The following TRPM3 variants were observed in gnomAD, a reference collection of about 807,000 sequenced individuals.
The protein encoded by TRPM3 is transient receptor potential cation channel subfamily M member 3, also known as long transient receptor potential channel 3.
In TRPM3, 77 loss-of-function variants were observed where a neutral mutation model predicts 181.2. That is an observed-to-expected ratio of 0.42 (90% CI 0.35 to 0.51). The LOEUF (loss-of-function observed/expected upper bound fraction) is 0.51, where lower values mean the gene tolerates loss of function less well. Among genes scored for constraint, TRPM3 ranks in the 20% least tolerant of loss-of-function variants. The pLI is 0.01. For synonymous variants in TRPM3, 745 were observed against 796.4 expected (o/e 0.94, Z 1.09); for missense variants, 1,759 against 2,196.7 (o/e 0.80, Z 3.98).
intron 3 of TRPM3, among the ~76,000 whole-genome samples, chr9:70,854,471 A>C (rs1173473797): frequency 1.3e-5 from 2 of 152,222 alleles, no homozygotes; most frequent in South Asian, 2.1e-4. Flanking sequence ...AATGAAGGTC[A>C]CATTCACCTT....
At chr9:70,944,868 G>A (rs2096917650) in intron 1 of TRPM3, among the ~76,000 whole-genome samples, 1 of 150,792 alleles carries the variant, frequency 6.6e-6, no homozygotes, top group African/African-American at 2.4e-5. Flanking sequence ...ATTGCATAGA[G>A]ACAGACTACT....
chr9:71,032,063 T>TA (rs372235814), intron 1 of TRPM3, among the ~76,000 whole-genome samples: 1 of 7,890 alleles, frequency 1.3e-4, no homozygotes, highest in African/African-American at 7.8e-4. Context: ...ATATATTATA[T>TA]ATATTATATT....
chr9:71,156,796 T>G (rs200011285), intron 1 of TRPM3, among the ~76,000 whole-genome samples: 1 of 152,012 alleles, frequency 6.6e-6, no homozygotes, highest in East Asian at 1.9e-4. Context: ...ATTTGCAAAG[T>G]CTAATGGAAG....
At chr9:70,846,342 G>T in intron 4 of TRPM3, 36 bp downstream of exon 4, 1 of 1,569,730 alleles carries the variant, frequency 6.4e-7, no homozygotes, top group Non-Finnish European at 8.8e-7. Flanking sequence ...CATTCCCATG[G>T]CCTATGTTGA....
chr9:70,664,344 T>G (rs1589974898), intron 9 of TRPM3, among the ~76,000 whole-genome samples: 1 of 152,348 alleles, frequency 6.6e-6, no homozygotes, highest in South Asian at 2.1e-4. Flanking sequence ...GAAATTGTTC[T>G]CTGGCAGAAA....
intron 1 of TRPM3, among the ~76,000 whole-genome samples, chr9:71,264,778 C>T (rs1022855580): frequency 1.8e-4 from 27 of 152,228 alleles, no homozygotes; most frequent in Admixed American, 1.6e-3. Flanking sequence ...GTCCAGCATG[C>T]CACCCTCCCT....
chr9:71,296,861 T>C (rs1232806721), intron 1 of TRPM3, among the ~76,000 whole-genome samples: 2 of 152,070 alleles, frequency 1.3e-5, no homozygotes, highest in African/African-American at 2.4e-5. Flanking sequence ...ATTGAGCTCA[T>C]AAGTTTTGGG....
At chr9:71,068,729 T>C (rs532108162) in intron 1 of TRPM3, among the ~76,000 whole-genome samples, 139 of 152,338 alleles carry the variant, frequency 9.1e-4, no homozygotes, top group African/African-American at 3.1e-3. Context: ...TGAGAATTTA[T>C]GAATGTGGAG....
chr9:70,825,381 C>T (rs2093487097), intron 6 of TRPM3: 1 of 152,138 alleles, frequency 6.6e-6, no homozygotes, highest in Non-Finnish European at 1.5e-5. Context: ...GAAGAGGAGC[C>T]TGTGGGTCTC....
chr9:71,242,900 C>T (rs2081799711), intron 1 of TRPM3, among the ~76,000 whole-genome samples: 2 of 152,112 alleles, frequency 1.3e-5, no homozygotes, highest in African/African-American at 4.8e-5. Context: ...GCTGCTTATC[C>T]AGTTAAACAT....
Position 70,937,230 on chromosome 9 carries a change from C to G in TRPM3, c.178-72719G>C, listed in dbSNP as rs564570865. ...ATAAGAGAGGCAGGTAGCATAGAAACAGACAGTGAGGTTAGAATTAAATTT... is the reference window on the plus strand; with the variant it reads ...ATAAGAGAGGCAGGTAGCATAGAAAGAGACAGTGAGGTTAGAATTAAATTT... On this transcript the variant is annotated intron_variant, in intron 1 of 25. Coordinates refer to ENST00000677713, the MANE Select transcript of TRPM3 (RefSeq NM_001366145.2). 1.1e-4 allele frequency among the ~76,000 whole-genome samples: 16 copies of G among 151,472 alleles called. No homozygotes were observed. In the South Asian group the frequency reaches 2.9e-3, roughly 27 times the overall value.
At chr9:70,607,807 T>C (rs2061425432) in intron 19 of TRPM3, among the ~76,000 whole-genome samples, 2 of 152,190 alleles carry the variant, frequency 1.3e-5, no homozygotes, top group African/African-American at 4.8e-5. Flanking sequence ...CTGTAAACTT[T>C]TTCTGCAAAT....
At chr9:71,335,820 C>T (rs1253565316) in intron 1 of TRPM3, among the ~76,000 whole-genome samples, 1 of 152,030 alleles carries the variant, frequency 6.6e-6, no homozygotes, top group East Asian at 1.9e-4. Flanking sequence ...TACTTCAATA[C>T]TAAATATCTT....
intron 1 of TRPM3, among the ~76,000 whole-genome samples, chr9:70,996,060 C>T (rs1281982552): frequency 6.7e-6 from 1 of 150,160 alleles, no homozygotes; most frequent in African/African-American, 2.5e-5. Flanking sequence ...TGTCTTACTC[C>T]TTTTATAATC....
At chr9:70,968,777 G>T (rs1281609903) in intron 1 of TRPM3, among the ~76,000 whole-genome samples, 12 of 151,908 alleles carry the variant, frequency 7.9e-5, no homozygotes, top group Non-Finnish European at 1.5e-5. Flanking sequence ...CTATTTTATA[G>T]ATAAACGGTG....
intron 1 of TRPM3, among the ~76,000 whole-genome samples, chr9:71,198,398 A>G (rs2078538087): frequency 6.6e-6 from 1 of 152,086 alleles, no homozygotes; most frequent in South Asian, 2.1e-4. Context: ...GCTTTTTCTA[A>G]TTCTGTGAAG....
At position 70,864,520 on chromosome 9, in the gene TRPM3, G is replaced by GGAAACAAAAA. The variant is rs2095598367; in HGVS notation, c.178-10_178-9insTTTTTGTTTC. On this transcript the variant is annotated splice_polypyrimidine_tract_variant and intron_variant, in intron 1 of 25. Transcript: ENST00000677713. Reference sequence around the variant, plus strand: ...ATCCAGGATTTCTGAGCCTGAAAAAGAAAACAAAAAAAAAAAAAAAAGAAA... The same window carrying GGAAACAAAAA: ...ATCCAGGATTTCTGAGCCTGAAAAAGGAAACAAAAAAAAACAAAAAAAAAAAAAAAAGAAA... 1 of 366,002 alleles carries GGAAACAAAAA rather than the reference G, an allele frequency of 2.7e-6. No individual in the cohort carries two copies. Among genetic ancestry groups the GGAAACAAAAA allele is most frequent in the African/African-American group, 8.1e-5 (1 of 12,330 alleles). The allele number at this position is 366,002 out of a possible 1,614,324, so 22.7% of individuals were successfully genotyped here.
chr9:70,583,780 G>C (rs2056527915), intron 22 of TRPM3, among the ~76,000 whole-genome samples: 1 of 152,126 alleles, frequency 6.6e-6, no homozygotes, highest in Non-Finnish European at 1.5e-5. Context: ...GGTATCATTA[G>C]CTTCATCTGA....
chr9:71,050,781 A>C (rs2059982738), intron 1 of TRPM3, among the ~76,000 whole-genome samples: 1 of 152,184 alleles, frequency 6.6e-6, no homozygotes, highest in African/African-American at 2.4e-5. Context: ...ACACTGAATG[A>C]ACTAACAGTA....
Sources: gnomAD v4.1 joint callset for allele counts (sites outside exome capture counted in the v4.1 genomes callset) on GRCh38, gnomAD v4.1.1 for gene constraint, MANE v1.5 for transcripts, NCBI Gene and HGNC (gene_info 2026-07-23, HGNC 2026-07-21) for gene names.